SORCS1: variants seen among roughly 807,000 people sequenced by gnomAD.
The protein encoded by SORCS1 is VPS10 domain-containing receptor SorCS1.
A neutral mutation model predicts 146.1 loss-of-function variants in SORCS1; 60 were observed. That is an observed-to-expected ratio of 0.41 (90% CI 0.33 to 0.51). SORCS1 has a LOEUF of 0.51. SORCS1 is among the 20% of genes least tolerant of loss of function. The pLI is 0.21. For missense variants in SORCS1, 1,352 were observed against 1,487.6 expected (o/e 0.91, Z 1.50); for synonymous variants, 637 against 584.0 (o/e 1.09, Z -1.31).
chr10:107,028,991 T>C (rs1041928391), intron 1 of SORCS1, among the ~76,000 whole-genome samples: 1 of 152,236 alleles, frequency 6.6e-6, no homozygotes, highest in African/African-American at 2.4e-5. Context: ...AAAGGAGTAC[T>C]CATAGTTCCT....
intron 22 of SORCS1, among the ~76,000 whole-genome samples, chr10:106,608,995 C>T (rs925290399): frequency 2.6e-4 from 40 of 152,180 alleles, no homozygotes; most frequent in African/African-American, 8.2e-4. Flanking sequence ...AGACTCTGCC[C>T]ATAGCCCTCC....
intron 8 of SORCS1, among the ~76,000 whole-genome samples, chr10:106,700,062 A>G (rs369784244): frequency 8.5e-5 from 13 of 152,302 alleles, no homozygotes; most frequent in African/African-American, 2.2e-4. Context: ...AGTGTGTTCA[A>G]AGACTTAGCT....
intron 2 of SORCS1, among the ~76,000 whole-genome samples, chr10:106,902,893 A>G (rs1029986642): frequency 5.9e-5 from 9 of 152,206 alleles, no homozygotes; most frequent in Non-Finnish European, 1.2e-4. Context: ...CCTGGCTAAC[A>G]TGGTGAAACC....
intron 3 of SORCS1, among the ~76,000 whole-genome samples, chr10:106,827,855 A>T (rs1399659077): frequency 6.6e-6 from 1 of 152,244 alleles, no homozygotes; most frequent in East Asian, 1.9e-4. Context: ...ATTAATTAAA[A>T]TTAAATGAAA....
chr10:106,640,334 A>G (rs1441967146), intron 18 of SORCS1, among the ~76,000 whole-genome samples: 1 of 152,216 alleles, frequency 6.6e-6, no homozygotes, highest in Non-Finnish European at 1.5e-5. Context: ...CACAGTCCTC[A>G]TGTTTTGGAG....
chr10:106,677,528 T>G, intron 12 of SORCS1, 124 bp from the exon 13 acceptor site: 1 of 796,434 alleles, frequency 1.3e-6, no homozygotes, highest in Non-Finnish European at 2.0e-6. Context: ...CCCTAAATCT[T>G]TGCGAAAATA....
Position 106,960,254 on chromosome 10 carries a change from T to A in SORCS1, c.559-3674A>T, listed in dbSNP as rs562062438. Among the ~76,000 whole-genome samples the A allele has an allele frequency of 1.1e-3, 166 of 152,308 alleles. No homozygotes were observed. Among genetic ancestry groups the A allele is most frequent in the African/African-American group, 3.8e-3 (157 of 41,568 alleles). ...CCAGTTATTTCTGGGATTTCCACAG[T>A]GACATGCTTCAAGTATCCCCCTCGC... On this transcript the variant is annotated intron_variant, in intron 1 of 25. Coordinates refer to ENST00000263054, the MANE Select transcript of SORCS1 (RefSeq NM_052918.5). This position sits in a 1 kb window ranked among gnomAD's most constrained non-coding sequence, Gnocchi z 4.4.
chr10:106,756,015 A>G (rs113911828), intron 5 of SORCS1, among the ~76,000 whole-genome samples: 71 of 152,094 alleles, frequency 4.7e-4, no homozygotes, highest in African/African-American at 1.7e-3. Context: ...TGTAGTCTCA[A>G]CTACTCAGGA....
intron 20 of SORCS1, 131 bp from the exon 21 acceptor site, chr10:106,618,403 G>T: frequency 8.9e-7 from 1 of 1,120,746 alleles, no homozygotes; most frequent in Non-Finnish European, 1.3e-6. Flanking sequence ...ATGGCACTGA[G>T]TCCCTCTATG....
chr10:106,622,876 C>T (rs569759183), intron 19 of SORCS1, among the ~76,000 whole-genome samples: 2 of 152,260 alleles, frequency 1.3e-5, no homozygotes, highest in Admixed American at 6.5e-5. Context: ...TTTGAAAGAA[C>T]CTTTCCAGTC....
rs1022237996 is a variant in SORCS1 at position 106,577,166 on chromosome 10, T to C, written c.*254A>G. 17 of 1,396,902 alleles carry C rather than the reference T, an allele frequency of 1.2e-5. No homozygotes were observed. Among genetic ancestry groups the C allele is most frequent in the Non-Finnish European group, 1.6e-5 (17 of 1,043,886 alleles). 86.5% of individuals were successfully genotyped at this position (1,396,902 alleles called of 1,614,324 possible). On this transcript the variant is annotated 3_prime_UTR_variant, in exon 26 of 26. Coordinates refer to ENST00000263054, the MANE Select transcript of SORCS1 (RefSeq NM_052918.5). ...TTTGTTTGTTTGGATTTTGATTGTT[T>C]ATATTTTATGTTTTGTTTTGTTTTT...
intron 1 of SORCS1, among the ~76,000 whole-genome samples, chr10:107,146,995 G>A (rs997693499): frequency 5.3e-5 from 8 of 152,154 alleles, no homozygotes; most frequent in South Asian, 2.1e-4. Flanking sequence ...AACCCAGTAA[G>A]TATTAGTTAT....
intron 19 of SORCS1, among the ~76,000 whole-genome samples, chr10:106,628,315 A>G (rs1457764854): frequency 1.3e-5 from 2 of 152,198 alleles, no homozygotes; most frequent in Non-Finnish European, 2.9e-5. Context: ...TTCTGTATTC[A>G]ATTTTGTTCC....
At chr10:107,088,689 T>C (rs1404306883) in intron 1 of SORCS1, among the ~76,000 whole-genome samples, 1 of 152,204 alleles carries the variant, frequency 6.6e-6, no homozygotes, top group African/African-American at 2.4e-5. Context: ...ATATGGACAA[T>C]TGAACCAAAG....
At chr10:106,784,796 A>C (rs551098574) in intron 3 of SORCS1, among the ~76,000 whole-genome samples, 18 of 152,358 alleles carry the variant, frequency 1.2e-4, no homozygotes, top group African/African-American at 3.8e-4. Flanking sequence ...ATAAAGAAAC[A>C]CAGGTGAGAA....
chr10:106,635,147 C>T (rs1210936587), intron 18 of SORCS1, among the ~76,000 whole-genome samples: 2 of 152,146 alleles, frequency 1.3e-5, no homozygotes, highest in African/African-American at 4.8e-5. Context: ...CCTATCAGTT[C>T]CTGTAACACA....
At chr10:106,835,339 A>G (rs567119656) in intron 2 of SORCS1, among the ~76,000 whole-genome samples, 2 of 152,366 alleles carry the variant, frequency 1.3e-5, no homozygotes, top group African/African-American at 2.4e-5. Context: ...AATGATTGGC[A>G]CAGAAGCAAA....
chr10:106,887,759 G>A (rs1392903268), intron 2 of SORCS1, among the ~76,000 whole-genome samples: 1 of 151,984 alleles, frequency 6.6e-6, no homozygotes, highest in East Asian at 1.9e-4. Context: ...TTGGAAATTT[G>A]CTTTCTTAAG....
chr10:107,075,938 C>A (rs2134208335), intron 1 of SORCS1, among the ~76,000 whole-genome samples: 1 of 152,122 alleles, frequency 6.6e-6, no homozygotes, highest in African/African-American at 2.4e-5. Context: ...AGCTGACTTT[C>A]TTCTGATGTC....
Sources: allele counts gnomAD v4.1 joint callset (sites outside exome capture counted in the v4.1 genomes callset), GRCh38; gene constraint gnomAD v4.1.1; non-coding constraint Gnocchi (gnomAD v3.1); transcripts MANE v1.5; gene names NCBI Gene and HGNC (gene_info 2026-07-23, HGNC 2026-07-21).